The following SLC14A2 variants were observed in gnomAD, a reference collection of about 807,000 sequenced individuals.
SLC14A2 encodes solute carrier family 14 member 2, also known as urea transporter 2.
SLC14A2 carries 91 observed loss-of-function variants against 104.6 expected under a neutral mutation model. The observed-to-expected ratio is 0.87, with a 90% CI of 0.73 to 1.04. The LOEUF (loss-of-function observed/expected upper bound fraction) is 1.04. Among genes scored for constraint, SLC14A2 ranks in the 50% least tolerant of loss-of-function variants. The pLI, the probability that SLC14A2 is intolerant of heterozygous loss-of-function variation, is 0.00. For synonymous variants in SLC14A2, 476 were observed against 466.4 expected (o/e 1.02, Z -0.27); for missense variants, 1,189 against 1,156.0 (o/e 1.03, Z -0.41).
At chr18:45,533,885 T>C (rs1440634969) in intron 2 of SLC14A2, among the ~76,000 whole-genome samples, 1 of 152,228 alleles carries the variant, frequency 6.6e-6, no homozygotes, top group Non-Finnish European at 1.5e-5. Context: ...TCCCAGAGAT[T>C]CTGGTATCAC....
At chr18:45,194,734 C>T in the SLC14A2 span, among the ~76,000 whole-genome samples, 1 of 148,744 alleles carries the variant, frequency 6.7e-6, no homozygotes, top group Non-Finnish European at 1.5e-5. Context: ...AAAACTTCAC[C>T]TCCTGGGTTC....
At chr18:45,290,548 G>A (rs2084859057) in intron 1 of SLC14A2, among the ~76,000 whole-genome samples, 1 of 152,126 alleles carries the variant, frequency 6.6e-6, no homozygotes, top group Non-Finnish European at 1.5e-5. Flanking sequence ...GAGACTTTAG[G>A]GCTGTGCTGT....
chr18:45,409,283 G>A (rs1432459987), intron 1 of SLC14A2, among the ~76,000 whole-genome samples: 1 of 152,204 alleles, frequency 6.6e-6, no homozygotes, highest in Non-Finnish European at 1.5e-5. Flanking sequence ...GCAAGAGAGT[G>A]TGATGTATGT....
At chr18:45,597,430 C>T (rs575113936) in intron 2 of SLC14A2, among the ~76,000 whole-genome samples, 33 of 152,330 alleles carry the variant, frequency 2.2e-4, no homozygotes, top group African/African-American at 7.7e-4. Context: ...GCATTTGTTA[C>T]AGACCCTGCT....
At chr18:45,556,672 CCTG>C (rs2044137203) in intron 2 of SLC14A2, among the ~76,000 whole-genome samples, 2 of 152,074 alleles carry the variant, frequency 1.3e-5, no homozygotes, top group South Asian at 4.2e-4. Flanking sequence ...TTGTGATTTC[CCTG>C]CTGCTTAAAA....
At chr18:45,259,464 T>G (rs192359486) in intron 1 of SLC14A2, among the ~76,000 whole-genome samples, 12 of 152,174 alleles carry the variant, frequency 7.9e-5, no homozygotes, top group Non-Finnish European at 1.2e-4. Context: ...ACCAAAAGAA[T>G]GATCATAAAG....
chr18:45,580,928 A>G (rs2044481873), intron 2 of SLC14A2, among the ~76,000 whole-genome samples: 1 of 152,054 alleles, frequency 6.6e-6, no homozygotes, highest in Non-Finnish European at 1.5e-5. Flanking sequence ...CAGAAGAGGG[A>G]AATACTCAGG....
At chr18:45,444,548 G>A (rs1414969596) in intron 1 of SLC14A2, among the ~76,000 whole-genome samples, 2 of 152,204 alleles carry the variant, frequency 1.3e-5, no homozygotes, top group African/African-American at 4.8e-5. Flanking sequence ...TTAAAAAGGA[G>A]TGAGTTGCCG....
chr18:45,172,468 C>T, the SLC14A2 span, among the ~76,000 whole-genome samples: 1 of 152,088 alleles, frequency 6.6e-6, no homozygotes, highest in African/African-American at 2.4e-5. Context: ...AACCCTGAGC[C>T]TATGTCTTGT....
chr18:45,306,841 G>A lies in SLC14A2; in HGVS notation c.-125+93650G>A, dbSNP rs776982751. ...TCTAAAGACAAGTGATTCTTTGTGC[G>A]TAACTCACTTGTTCGGGCACTCTTT... On this transcript the variant is annotated intron_variant, in intron 1 of 20. Coordinates refer to the SLC14A2 transcript ENST00000586448. Among the ~76,000 whole-genome samples, 30 of 152,278 alleles carry A rather than the reference G, an allele frequency of 2.0e-4. 1 individual carries two copies. Among genetic ancestry groups the A allele is most frequent in the East Asian group, 1.7e-3 (9 of 5,176 alleles).
intron 2 of SLC14A2, among the ~76,000 whole-genome samples, chr18:45,589,992 G>T (rs2044624632): frequency 1.3e-5 from 2 of 152,144 alleles, no homozygotes. Context: ...AAAATGAGGT[G>T]GTCGCCATCA....
intron 1 of SLC14A2, among the ~76,000 whole-genome samples, chr18:45,461,812 G>C (rs1398080059): frequency 6.6e-6 from 1 of 152,168 alleles, no homozygotes; most frequent in Non-Finnish European, 1.5e-5. Context: ...TTTAAAAAGA[G>C]ACAACAATTT....
At chr18:45,637,632 ACT>A (rs1361701115) in intron 6 of SLC14A2, among the ~76,000 whole-genome samples, 1 of 151,872 alleles carries the variant, frequency 6.6e-6, no homozygotes, top group Non-Finnish European at 1.5e-5. Flanking sequence ...ATTTTTATAT[ACT>A]CTCTCTCTTA....
chr18:45,313,577 C>T (rs900580609), intron 1 of SLC14A2, among the ~76,000 whole-genome samples: 14 of 152,110 alleles, frequency 9.2e-5, no homozygotes, highest in African/African-American at 3.1e-4. Flanking sequence ...TGAAGTAAGG[C>T]GGCCTGAATT....
At chr18:45,412,706 G>C (rs1252294924) in intron 1 of SLC14A2, among the ~76,000 whole-genome samples, 1 of 152,184 alleles carries the variant, frequency 6.6e-6, no homozygotes, top group African/African-American at 2.4e-5. Flanking sequence ...TATCACAGCA[G>C]CCACCCCTGA....
chr18:45,632,527 C>T (rs763317433), intron 5 of SLC14A2, 49 bp downstream of exon 5: 2 of 1,600,218 alleles, frequency 1.2e-6, no homozygotes. Context: ...GCCCCCAAGA[C>T]ACTTGTGTCT....
At position 45,632,429 on chromosome 18, in the gene SLC14A2, G is replaced by C. The variant is rs1466292757; in HGVS notation, c.601G>C (p.Asp201His). The C allele has an allele frequency of 6.2e-7, 1 of 1,614,018 alleles. No individual in the cohort carries two copies. The highest frequency in any genetic ancestry group is 1.3e-5 in the African/African-American group (1 of 74,922). ...LLMAVFSEKL[D>H]YYWWLLFPVT... ...GATGGCCGTGTTCTCGGAGAAGTTA[G>C]ACTACTACTGGTGGCTTCTGTTTCC... The change falls in exon 5 of 20, where the codon GAC (aspartate) becomes CAC (histidine). Residue 201 changes from aspartate (D) to histidine (H), a missense_variant. By Grantham distance (81) the Asp-to-His change is moderately conservative. Coordinates refer to ENST00000255226, the MANE Select transcript of SLC14A2 (RefSeq NM_007163.4).
intron 2 of SLC14A2, among the ~76,000 whole-genome samples, chr18:45,588,105 A>G (rs2044594794): frequency 6.6e-6 from 1 of 152,132 alleles, no homozygotes; most frequent in Non-Finnish European, 1.5e-5. Flanking sequence ...TGTCATTCAG[A>G]GAAGAATTCA....
chr18:45,177,450 T>A, the SLC14A2 span, among the ~76,000 whole-genome samples: 1 of 152,174 alleles, frequency 6.6e-6, no homozygotes. Flanking sequence ...AGGCTACTTT[T>A]CCAAAGCCTT....
Sources: allele counts gnomAD v4.1 joint callset (sites outside exome capture counted in the v4.1 genomes callset), GRCh38; gene constraint gnomAD v4.1.1; transcripts MANE v1.5; gene names NCBI Gene and HGNC (gene_info 2026-07-23, HGNC 2026-07-21).